Variants in DLG2 observed in about 807,000 individuals in gnomAD.
The protein encoded by DLG2 is discs large MAGUK scaffold protein 2.
A neutral mutation model predicts 132.5 loss-of-function variants in DLG2; 45 were observed. That is an observed-to-expected ratio of 0.34 (90% CI 0.27 to 0.44). DLG2 has a LOEUF of 0.44. Among genes scored for constraint, DLG2 ranks in the 20% least tolerant of loss-of-function variants. The pLI, the probability that DLG2 is intolerant of heterozygous loss-of-function variation, is 1.00. For missense variants in DLG2, 1,045 were observed against 1,196.9 expected, an observed-to-expected ratio of 0.87 and a Z score of 1.87; for synonymous variants, 424 against 419.6, an observed-to-expected ratio of 1.01 and a Z score of -0.13.
At chr11:83,694,076 T>C (rs1341612303) in intron 18 of DLG2, among the ~76,000 whole-genome samples, 1 of 152,186 alleles carries the variant, frequency 6.6e-6, no homozygotes, top group African/African-American at 2.4e-5. Context: ...GTATTATTGG[T>C]CCACTTGAGA....
At chr11:83,481,767 T>TAATC (rs2093130511) in intron 22 of DLG2, among the ~76,000 whole-genome samples, 1 of 152,170 alleles carries the variant, frequency 6.6e-6, no homozygotes, top group Non-Finnish European at 1.5e-5. Context: ...TAATAGTGCA[T>TAATC]TTCATGGAGA....
At chr11:85,048,431 G>A (rs1373104358) in intron 6 of DLG2, among the ~76,000 whole-genome samples, 1 of 151,938 alleles carries the variant, frequency 6.6e-6, no homozygotes, top group Admixed American at 6.6e-5. Context: ...CCATGATTAA[G>A]ATAAGGCTGA....
At chr11:85,271,120 G>T (rs1411209401) in intron 4 of DLG2, among the ~76,000 whole-genome samples, 2 of 152,186 alleles carry the variant, frequency 1.3e-5, no homozygotes, top group Non-Finnish European at 2.9e-5. Context: ...CAGGCCCAGG[G>T]TCCCTCTGCT....
At chr11:84,159,090 T>C (rs992134643) in intron 9 of DLG2, among the ~76,000 whole-genome samples, 1 of 152,186 alleles carries the variant, frequency 6.6e-6, no homozygotes, top group Admixed American at 6.5e-5. Flanking sequence ...AACCAGGCCA[T>C]GTGCGTCTAT....
chr11:84,116,890 C>A (rs2093659035), intron 9 of DLG2, among the ~76,000 whole-genome samples: 1 of 152,160 alleles, frequency 6.6e-6, no homozygotes, highest in Non-Finnish European at 1.5e-5. Flanking sequence ...ATTTATTAGG[C>A]ATAACATTTA....
At chr11:84,989,049 T>C (rs2056812630) in intron 6 of DLG2, among the ~76,000 whole-genome samples, 4 of 152,056 alleles carry the variant, frequency 2.6e-5, no homozygotes, top group Admixed American at 1.3e-4. Flanking sequence ...CTCCACATAT[T>C]AGCAATGAAC....
At chr11:83,884,644 C>A (rs934289336) in intron 15 of DLG2, among the ~76,000 whole-genome samples, 13 of 152,232 alleles carry the variant, frequency 8.5e-5, no homozygotes, top group African/African-American at 2.9e-4. Flanking sequence ...ACTGCCTCCT[C>A]AAGTGGGTCC....
rs139036291 is a variant in DLG2, at chr11:85,270,598, T to A, written c.186+14622A>T. On this transcript the variant is annotated intron_variant, in intron 4 of 27. Coordinates refer to ENST00000376104, the MANE Select transcript of DLG2 (RefSeq NM_001142699.3). ...AGAAGAGAGGAAAATGTGGGAAAGTTTGGAACTCCCTAGAGACTTGTTGAA... is the reference window on the plus strand; with the variant it reads ...AGAAGAGAGGAAAATGTGGGAAAGTATGGAACTCCCTAGAGACTTGTTGAA... Among the ~76,000 whole-genome samples, 400 of 152,220 alleles carry A rather than the reference T, an allele frequency of 2.6e-3. 2 individuals carry two copies. The highest frequency in any genetic ancestry group is 9.5e-3 in the African/African-American group (394 of 41,538).
At chr11:84,568,354 C>A (rs2099466116) in intron 6 of DLG2, among the ~76,000 whole-genome samples, 1 of 152,014 alleles carries the variant, frequency 6.6e-6, no homozygotes, top group African/African-American at 2.4e-5. Context: ...ACTAAAAATA[C>A]AAAAATTAGC....
chr11:83,777,304 G>T (rs373709097), intron 18 of DLG2, among the ~76,000 whole-genome samples: 5 of 152,150 alleles, frequency 3.3e-5, no homozygotes, highest in African/African-American at 1.2e-4. Flanking sequence ...GTCTTTTAAA[G>T]ACTTAGGTAA....
chr11:83,532,402 GA>G (rs1342409591), intron 21 of DLG2, among the ~76,000 whole-genome samples: 1 of 151,930 alleles, frequency 6.6e-6, no homozygotes, highest in Non-Finnish European at 1.5e-5. Context: ...AATTTAAAAG[GA>G]AAAAACTTAA....
At chr11:85,389,724 A>T (rs2086640407) in intron 3 of DLG2, among the ~76,000 whole-genome samples, 1 of 152,174 alleles carries the variant, frequency 6.6e-6, no homozygotes, top group African/African-American at 2.4e-5. Flanking sequence ...CAAACAAAAC[A>T]ATTATCAGCC....
Position 84,854,736 on chromosome 11 carries a change from G to A in DLG2, c.357+256925C>T, listed in dbSNP as rs938640497. 5.9e-5 allele frequency among the ~76,000 whole-genome samples: 9 copies of A among 151,654 alleles called. No homozygotes were observed. In the East Asian group the frequency reaches 1.2e-3, roughly 20 times the overall value. ...AATGCCTTCTTCATTCCTCATTATC[G>A]AGGCAAGTTCAAACCGTGTATTAAA... On this transcript the variant is annotated intron_variant, in intron 6 of 27. Transcript: ENST00000376104.
intron 3 of DLG2, among the ~76,000 whole-genome samples, chr11:85,377,790 T>TAC (rs2085526526): frequency 1.5e-5 from 1 of 66,026 alleles, no homozygotes; most frequent in East Asian, 2.8e-4. Flanking sequence ...TATACATATA[T>TAC]ATATATATAT....
intron 7 of DLG2, among the ~76,000 whole-genome samples, chr11:84,479,480 T>C (rs1260780996): frequency 2.0e-5 from 3 of 152,142 alleles, no homozygotes; most frequent in Non-Finnish European, 1.5e-5. Context: ...CTCTAATATA[T>C]ATTCTGAGGG....
At chr11:84,375,051 A>C (rs1196109091) in intron 7 of DLG2, among the ~76,000 whole-genome samples, 1 of 152,154 alleles carries the variant, frequency 6.6e-6, no homozygotes, top group Admixed American at 6.6e-5. Flanking sequence ...ACCCAAATTT[A>C]AAGTTACTAC....
chr11:84,796,537 TTCAGGTTGAAGA>T (rs1565985794), intron 6 of DLG2, among the ~76,000 whole-genome samples: 1 of 152,224 alleles, frequency 6.6e-6, no homozygotes, highest in Admixed American at 6.5e-5. Context: ...ATCCGTTTCC[TTCAGGTTGAAGA>T]ACTCCCTTTA....
At chr11:84,881,305 G>A (rs2087296204) in intron 6 of DLG2, among the ~76,000 whole-genome samples, 2 of 152,076 alleles carry the variant, frequency 1.3e-5, no homozygotes, top group Admixed American at 1.3e-4. Context: ...CCCAACAGAA[G>A]GGAATGGAGT....
intron 11 of DLG2, among the ~76,000 whole-genome samples, chr11:84,024,873 T>C (rs902377878): frequency 2.6e-5 from 4 of 151,904 alleles, no homozygotes; most frequent in African/African-American, 9.7e-5. Flanking sequence ...AATAGACTAT[T>C]GTATATTTCA....
Sources: gnomAD v4.1 joint callset for allele counts (sites outside exome capture counted in the v4.1 genomes callset) on GRCh38, gnomAD v4.1.1 for gene constraint, MANE v1.5 for transcripts, NCBI Gene and HGNC (gene_info 2026-07-23, HGNC 2026-07-21) for gene names.